The following RAB28 variants were observed in gnomAD, a reference collection of about 807,000 sequenced individuals.
RAB28 encodes RAB28, member RAS oncogene family, also known as ras-related protein Rab-28.
RAB28 carries 24 observed loss-of-function variants against 31.7 expected under a neutral mutation model. That is an observed-to-expected ratio of 0.76 (90% CI 0.55 to 1.06). The LOEUF (loss-of-function observed/expected upper bound fraction) is 1.06, where lower values mean the gene tolerates loss of function less well. RAB28 is among the 50% of genes least tolerant of loss of function. RAB28 has a pLI of 0.00. For synonymous variants in RAB28, 100 were observed against 90.4 expected (o/e 1.11, Z -0.60); for missense variants, 254 against 258.5 (o/e 0.98, Z 0.12).
chr4:13,378,226 G>A (rs888257445), intron 5 of RAB28, among the ~76,000 whole-genome samples: 2 of 152,174 alleles, frequency 1.3e-5, no homozygotes, highest in Non-Finnish European at 2.9e-5. Flanking sequence ...AGTGAAGCAG[G>A]AAGAAAACCA....
chr4:13,449,600 TAAG>T (rs1186995869), intron 4 of RAB28, among the ~76,000 whole-genome samples: 1 of 151,976 alleles, frequency 6.6e-6, no homozygotes, highest in Non-Finnish European at 1.5e-5. Flanking sequence ...CAATCACTGT[TAAG>T]AAGAATATAC....
At chr4:13,395,362 G>T (rs1729829597) in intron 4 of RAB28, among the ~76,000 whole-genome samples, 1 of 152,070 alleles carries the variant, frequency 6.6e-6, no homozygotes, top group Non-Finnish European at 1.5e-5. Flanking sequence ...CATACAAGTT[G>T]TGAAACTTTA....
chr4:13,476,669 C>A (rs1041888388), intron 2 of RAB28, among the ~76,000 whole-genome samples: 1 of 151,274 alleles, frequency 6.6e-6, no homozygotes, highest in Non-Finnish European at 1.5e-5. Flanking sequence ...CATATGAATT[C>A]TCCTAGTATA....
intron 4 of RAB28, among the ~76,000 whole-genome samples, chr4:13,416,048 G>C (rs1712762564): frequency 6.6e-6 from 1 of 152,152 alleles, no homozygotes; most frequent in Non-Finnish European, 1.5e-5. Context: ...CTAGCTCAGG[G>C]ATTGTAAACA....
At chr4:13,369,938 A>C (rs140905130) in intron 6 of RAB28, 2 of 1,612,358 alleles carry the variant, frequency 1.2e-6, no homozygotes, top group Non-Finnish European at 1.7e-6. Flanking sequence ...TCTTCCGGGT[A>C]CTTCACTATT....
At chr4:13,448,358 T>C (rs1205424034) in intron 4 of RAB28, among the ~76,000 whole-genome samples, 2 of 152,078 alleles carry the variant, frequency 1.3e-5, no homozygotes, top group Non-Finnish European at 2.9e-5. Flanking sequence ...TTATTAGCAT[T>C]TAATAAATCT....
At chr4:13,452,858 TGA>T (rs1212455820) in intron 4 of RAB28, among the ~76,000 whole-genome samples, 2 of 152,090 alleles carry the variant, frequency 1.3e-5, no homozygotes, top group Non-Finnish European at 2.9e-5. Context: ...TGTCCAATGC[TGA>T]GAGTAGGGTG....
rs186476282 is a variant in RAB28 at position 13,473,909 on chromosome 4, T to C, written c.261+409A>G. Reference sequence around the variant, plus strand: ...TATCAATATTCATTGCACAAAAACATAGACATATAGATATACTTTCAGTCC... The same window carrying C: ...TATCAATATTCATTGCACAAAAACACAGACATATAGATATACTTTCAGTCC... On this transcript the variant is annotated intron_variant, in intron 3 of 6. Coordinates refer to ENST00000330852, the MANE Select transcript of RAB28 (RefSeq NM_001017979.3). The C allele has an allele frequency of 4.8e-3, 1,680 of 352,622 alleles. 19 individuals carry two copies. Among genetic ancestry groups the C allele is most frequent in the Non-Finnish European group, 6.7e-3 (1,215 of 181,356 alleles). 21.8% of individuals were successfully genotyped at this position (352,622 alleles called of 1,614,324 possible).
chr4:13,389,818 T>C (rs1045856572), intron 4 of RAB28, among the ~76,000 whole-genome samples: 8 of 152,186 alleles, frequency 5.3e-5, no homozygotes, highest in Non-Finnish European at 1.2e-4. Flanking sequence ...CACATGATTA[T>C]CTCAATAGAT....
At position 13,370,008 on chromosome 4, in the gene RAB28, T is replaced by C. The variant is rs1305517056; in HGVS notation, c.574-1358A>G. ...CATAAATGAGACAAAGAAAAAAGAATTAAAAAAAAAAAGACAAAATGGAAA... is the reference window on the plus strand; with the variant it reads ...CATAAATGAGACAAAGAAAAAAGAACTAAAAAAAAAAAGACAAAATGGAAA... On this transcript the variant is annotated intron_variant, in intron 6 of 6. Transcript: ENST00000330852. 5 of 1,561,502 alleles carry C rather than the reference T, an allele frequency of 3.2e-6. No individual in the cohort carries two copies. In the African/African-American group the frequency reaches 4.3e-5, roughly 13 times the overall value.
At chr4:13,459,700 T>G in intron 4 of RAB28, 2 of 946,582 alleles carry the variant, frequency 2.1e-6, no homozygotes, top group Non-Finnish European at 2.5e-6. Flanking sequence ...AAAAATTATA[T>G]TTCAGAAAAA....
At chr4:13,422,242 G>A (rs1346650008) in intron 4 of RAB28, among the ~76,000 whole-genome samples, 1 of 151,380 alleles carries the variant, frequency 6.6e-6, no homozygotes, top group East Asian at 1.9e-4. Context: ...CATTAAAAAG[G>A]AAACAACAGA....
rs988162769 is a variant in RAB28, at chr4:13,436,369, G to A, written c.391+24330C>T. Among the ~76,000 whole-genome samples the A allele has an allele frequency of 5.9e-5, 9 of 152,020 alleles. No individual in the cohort carries two copies. In the South Asian group the frequency reaches 1.2e-3, roughly 21 times the overall value. On this transcript the variant is annotated intron_variant, in intron 4 of 6. Transcript: ENST00000330852. ...AGTCCTAGCCAGAGCAATCAGACAA[G>A]AGAAAAAAATAAAGGGCATCCAAAT...
At chr4:13,412,632 A>AT (rs1451921127) in intron 4 of RAB28, among the ~76,000 whole-genome samples, 1 of 152,128 alleles carries the variant, frequency 6.6e-6, no homozygotes, top group Non-Finnish European at 1.5e-5. Flanking sequence ...AAAGTGAAGA[A>AT]TAATAATACA....
intron 4 of RAB28, among the ~76,000 whole-genome samples, chr4:13,436,591 A>T (rs1012117265): frequency 1.3e-5 from 2 of 152,140 alleles, no homozygotes; most frequent in Admixed American, 6.6e-5. Context: ...CAAGAACAAA[A>T]TCAGATCTGC....
intron 4 of RAB28, among the ~76,000 whole-genome samples, chr4:13,396,498 G>A (rs1453347492): frequency 6.6e-6 from 1 of 151,998 alleles, no homozygotes; most frequent in Non-Finnish European, 1.5e-5. Context: ...CATATTAGAA[G>A]AATTGCTAAT....
At chr4:13,390,049 T>C (rs1729556612) in intron 4 of RAB28, among the ~76,000 whole-genome samples, 1 of 152,162 alleles carries the variant, frequency 6.6e-6, no homozygotes, top group African/African-American at 2.4e-5. Context: ...TGTTGGAAGT[T>C]CCGGCCGAGC....
At chr4:13,406,416 G>A (rs1712089408) in intron 4 of RAB28, among the ~76,000 whole-genome samples, 2 of 152,150 alleles carry the variant, frequency 1.3e-5, no homozygotes, top group Admixed American at 6.5e-5. Flanking sequence ...GGGCATTTGG[G>A]ATGGTTCCAA....
rs187365533 is a variant in RAB28 at position 13,473,189 on chromosome 4, T to C, written c.261+1129A>G. 2.0e-5 allele frequency among the ~76,000 whole-genome samples: 3 copies of C among 152,116 alleles called. No homozygotes were observed. The East Asian group carries it at 5.8e-4, about 29-fold the overall frequency. On this transcript the variant is annotated intron_variant, in intron 3 of 6. Coordinates refer to ENST00000330852, the MANE Select transcript of RAB28 (RefSeq NM_001017979.3). Reference sequence around the variant, plus strand: ...GGTATTTGACATGAACCAAACTTTGTACAGCAGAGTGCTTAATATACTATA... The same window carrying C: ...GGTATTTGACATGAACCAAACTTTGCACAGCAGAGTGCTTAATATACTATA...
Sources: allele counts gnomAD v4.1 joint callset (sites outside exome capture counted in the v4.1 genomes callset), GRCh38; gene constraint gnomAD v4.1.1; transcripts MANE v1.5; gene names NCBI Gene and HGNC (gene_info 2026-07-23, HGNC 2026-07-21).